Variants in PDE1C observed in about 807,000 individuals in gnomAD.
PDE1C encodes the protein phosphodiesterase 1C.
A neutral mutation model predicts 93.1 loss-of-function variants in PDE1C; 62 were observed. The ratio of observed to expected loss-of-function variants is 0.67; its 90% CI spans 0.54 to 0.82. The LOEUF is 0.82. Ranked by LOEUF, PDE1C falls within the 40% of genes least tolerant of loss-of-function variation. The pLI, the probability that PDE1C is intolerant of heterozygous loss-of-function variation, is 0.00. For missense variants in PDE1C, 742 were observed against 884.6 expected (o/e 0.84, Z 2.04); for synonymous variants, 325 against 310.1 (o/e 1.05, Z -0.50).
the PDE1C span, among the ~76,000 whole-genome samples, chr7:31,718,941 C>G: frequency 2.0e-5 from 3 of 152,154 alleles, no homozygotes; most frequent in African/African-American, 7.2e-5. Context: ...GAACCAGGAT[C>G]TTAATACCAA....
At chr7:31,972,423 C>G (rs1167430818) in intron 2 of PDE1C, among the ~76,000 whole-genome samples, 1 of 152,080 alleles carries the variant, frequency 6.6e-6, no homozygotes, top group Non-Finnish European at 1.5e-5. Context: ...AACAGAAGAT[C>G]AAAACTCTTC....
intron 1 of PDE1C, among the ~76,000 whole-genome samples, chr7:32,421,878 C>A (rs1015839941): frequency 6.6e-6 from 1 of 152,100 alleles, no homozygotes; most frequent in African/African-American, 2.4e-5. Flanking sequence ...ATCTTACACC[C>A]AGCAGGAGCA....
the PDE1C span, among the ~76,000 whole-genome samples, chr7:31,681,307 C>T: frequency 1.3e-5 from 2 of 152,026 alleles, no homozygotes; most frequent in African/African-American, 4.8e-5. Flanking sequence ...TATCTCAGTA[C>T]CTAACATACC....
the PDE1C span, chr7:31,642,730 A>G: frequency 6.2e-7 from 1 of 1,614,004 alleles, no homozygotes; most frequent in South Asian, 1.1e-5. Flanking sequence ...TGGAGGTAGA[A>G]AGCCAAGAGA....
At chr7:32,187,194 A>G (rs1243141722) in intron 2 of PDE1C, among the ~76,000 whole-genome samples, 2 of 151,418 alleles carry the variant, frequency 1.3e-5, no homozygotes, top group African/African-American at 4.9e-5. Flanking sequence ...AGGTCTCACT[A>G]TGTCACCCAG....
chr7:31,997,543 G>A (rs1359365941), intron 2 of PDE1C, among the ~76,000 whole-genome samples: 1 of 152,222 alleles, frequency 6.6e-6, no homozygotes, highest in Non-Finnish European at 1.5e-5. Flanking sequence ...TGGGGGGATG[G>A]TAGCTGGCCT....
chr7:32,299,438 T>A, upstream of PDE1C: 2 of 984,740 alleles, frequency 2.0e-6, no homozygotes, highest in Non-Finnish European at 2.4e-6. Flanking sequence ...ATTGTCAAAG[T>A]CACCGGAGGC....
intron 2 of PDE1C, among the ~76,000 whole-genome samples, chr7:31,922,181 G>T (rs745878562): frequency 6.6e-6 from 1 of 152,156 alleles, no homozygotes; most frequent in Non-Finnish European, 1.5e-5. Flanking sequence ...GTATCCTCTT[G>T]TGTGATATCC....
chr7:31,982,147 G>A (rs1812471854), intron 2 of PDE1C, among the ~76,000 whole-genome samples: 1 of 152,174 alleles, frequency 6.6e-6, no homozygotes, highest in Non-Finnish European at 1.5e-5. Context: ...TCTCCTCCAA[G>A]GAGTCAACAG....
the PDE1C span, chr7:31,651,417 C>A: frequency 2.1e-6 from 2 of 943,214 alleles, no homozygotes; most frequent in Non-Finnish European, 3.0e-6. Flanking sequence ...CTTGTTCTTG[C>A]TTTCTCAGTG....
chr7:32,020,498 A>G (rs1024652949), intron 2 of PDE1C, among the ~76,000 whole-genome samples: 40 of 152,170 alleles, frequency 2.6e-4, no homozygotes, highest in Non-Finnish European at 1.2e-4. Flanking sequence ...GAAAAATACC[A>G]AAGTTTCATA....
chr7:32,048,033 C>T (rs1010416844), intron 2 of PDE1C, among the ~76,000 whole-genome samples: 1 of 152,140 alleles, frequency 6.6e-6, no homozygotes, highest in African/African-American at 2.4e-5. Flanking sequence ...AATAAACCAT[C>T]AAGTAGGCAA....
intron 3 of PDE1C, among the ~76,000 whole-genome samples, chr7:32,167,256 T>C (rs1321482229): frequency 1.3e-5 from 2 of 152,176 alleles, no homozygotes; most frequent in African/African-American, 4.8e-5. Context: ...AGTGCACACA[T>C]TTTGTCCTGG....
At chr7:31,997,096 A>G (rs181090481) in intron 2 of PDE1C, among the ~76,000 whole-genome samples, 3 of 152,364 alleles carry the variant, frequency 2.0e-5, no homozygotes, top group Non-Finnish European at 4.4e-5. Context: ...GCAAATATTG[A>G]CAAAACATTA....
the PDE1C span, among the ~76,000 whole-genome samples, chr7:31,690,780 G>A: frequency 2.0e-5 from 3 of 152,274 alleles, no homozygotes; most frequent in South Asian, 6.2e-4. Flanking sequence ...TAAGTGCGTG[G>A]CTTCAAATGA....
intron 2 of PDE1C, among the ~76,000 whole-genome samples, chr7:31,944,543 C>T (rs959081158): frequency 6.6e-6 from 1 of 152,176 alleles, no homozygotes; most frequent in African/African-American, 2.4e-5. Context: ...AAATGCAATT[C>T]AACATAAGCC....
intron 3 of PDE1C, among the ~76,000 whole-genome samples, chr7:32,156,861 T>C (rs955827240): frequency 5.3e-5 from 8 of 152,228 alleles, no homozygotes; most frequent in Non-Finnish European, 8.8e-5. Flanking sequence ...AAAGGTGATT[T>C]AATCACAGTT....
chr7:31,770,858 A>G (rs976437799), intron 17 of PDE1C, among the ~76,000 whole-genome samples: 9 of 152,114 alleles, frequency 5.9e-5, no homozygotes, highest in Admixed American at 3.3e-4. Flanking sequence ...TTCCCTCTCC[A>G]TGCTATATTT....
intron 2 of PDE1C, among the ~76,000 whole-genome samples, chr7:31,952,611 C>T (rs1411558000): frequency 6.6e-6 from 1 of 152,116 alleles, no homozygotes; most frequent in Non-Finnish European, 1.5e-5. Context: ...TTGGATGCTG[C>T]TTAGTCCTGA....
Sources: allele counts gnomAD v4.1 joint callset (sites outside exome capture counted in the v4.1 genomes callset), GRCh38; gene constraint gnomAD v4.1.1; transcripts MANE v1.5; gene names NCBI Gene and HGNC (gene_info 2026-07-23, HGNC 2026-07-21).